Variants in SETBP1 observed in about 807,000 individuals in gnomAD.
SETBP1 encodes the protein SET-binding protein.
Under a neutral mutation model 101.0 loss-of-function variants are expected in SETBP1, and 9 were observed. The observed-to-expected ratio is 0.09, with a 90% confidence interval of 0.05 to 0.16. The LOEUF is 0.16. SETBP1 is among the 10% of genes least tolerant of loss of function. SETBP1 has a pLI of 1.00. For synonymous variants in SETBP1, 818 were observed against 788.5 expected (o/e 1.04, Z -0.63); for missense variants, 1,858 against 2,033.8 (o/e 0.91, Z 1.66).
chr18:44,934,844 C>G (rs1364572032), intron 3 of SETBP1, among the ~76,000 whole-genome samples: 1 of 152,132 alleles, frequency 6.6e-6, no homozygotes, highest in Non-Finnish European at 1.5e-5. Context: ...CACTCCTGCC[C>G]CATTTCCTCT....
intron 4 of SETBP1, among the ~76,000 whole-genome samples, chr18:45,036,281 C>T (rs1005311934): frequency 6.8e-6 from 1 of 147,478 alleles, no homozygotes; most frequent in Non-Finnish European, 1.5e-5. Context: ...TGCAGTAAGC[C>T]AAGATTGCAC....
At chr18:45,002,502 C>T (rs934281498) in intron 4 of SETBP1, among the ~76,000 whole-genome samples, 3 of 152,122 alleles carry the variant, frequency 2.0e-5, no homozygotes, top group Non-Finnish European at 4.4e-5. Flanking sequence ...TTAATGGTGG[C>T]CAGGAATGGA....
At chr18:44,863,919 T>C (rs1046540770) in intron 2 of SETBP1, among the ~76,000 whole-genome samples, 6 of 152,186 alleles carry the variant, frequency 3.9e-5, no homozygotes, top group Non-Finnish European at 1.5e-5. Flanking sequence ...AAGATCCTTC[T>C]GGCCAGATGT....
intron 4 of SETBP1, among the ~76,000 whole-genome samples, chr18:45,032,274 A>C (rs1199880926): frequency 1.3e-5 from 2 of 152,178 alleles, no homozygotes; most frequent in Non-Finnish European, 2.9e-5. Flanking sequence ...CTCGTTGGAC[A>C]TCCTTCGTTG....
intron 2 of SETBP1, among the ~76,000 whole-genome samples, chr18:44,841,830 G>T (rs1046316744): frequency 3.9e-5 from 6 of 152,152 alleles, no homozygotes; most frequent in African/African-American, 1.4e-4. Flanking sequence ...TGAAGGATCG[G>T]ATTACCTTGC....
At chr18:44,867,961 C>T (rs1436580730) in intron 2 of SETBP1, among the ~76,000 whole-genome samples, 2 of 152,190 alleles carry the variant, frequency 1.3e-5, no homozygotes, top group African/African-American at 4.8e-5. Flanking sequence ...CTATTTTTCA[C>T]AAATGCTCTC....
At position 44,800,861 on chromosome 18, in the gene SETBP1, G is replaced by A. The variant is rs148653844; in HGVS notation, c.487-68369G>A. 2.8e-3 allele frequency among the ~76,000 whole-genome samples: 433 copies of A among 152,292 alleles called. 3 individuals carry two copies. Among genetic ancestry groups the A allele is most frequent in the African/African-American group, 9.4e-3 (389 of 41,562 alleles). On this transcript the variant is annotated intron_variant, in intron 2 of 5. Coordinates refer to ENST00000649279, the MANE Select transcript of SETBP1 (RefSeq NM_015559.3). ...TTTATTGCGGCACTATTCGCCAATA[G>A]CAAAGGCTTGGAACCAACCCAAATG...
At chr18:44,957,753 C>T (rs919184417) in intron 4 of SETBP1, among the ~76,000 whole-genome samples, 1 of 152,086 alleles carries the variant, frequency 6.6e-6, no homozygotes, top group Non-Finnish European at 1.5e-5. Flanking sequence ...GGGAATTAGC[C>T]ACGTGGATGA....
intron 5 of SETBP1, among the ~76,000 whole-genome samples, chr18:45,052,973 A>T (rs1359069259): frequency 1.3e-5 from 2 of 152,230 alleles, no homozygotes; most frequent in Non-Finnish European, 2.9e-5. Flanking sequence ...AGTTAATAAA[A>T]TTAAACTTTG....
chr18:44,740,486 A>T (rs553083785), intron 2 of SETBP1, among the ~76,000 whole-genome samples: 63 of 152,304 alleles, frequency 4.1e-4, no homozygotes, highest in Non-Finnish European at 6.8e-4. Flanking sequence ...ATGACATGTG[A>T]TGTAAATGCA....
chr18:45,006,493 C>T (rs1007528280), intron 4 of SETBP1, among the ~76,000 whole-genome samples: 1 of 152,074 alleles, frequency 6.6e-6, no homozygotes, highest in Non-Finnish European at 1.5e-5. Context: ...AGAATTGGTT[C>T]CTTTTTAGGA....
intron 1 of SETBP1, among the ~76,000 whole-genome samples, chr18:44,691,389 C>T (rs1292611073): frequency 2.2e-5 from 3 of 135,192 alleles, no homozygotes; most frequent in African/African-American, 8.6e-5. Flanking sequence ...TACAAGAGAA[C>T]ACTTTTCCTT....
Position 44,930,616 on chromosome 18 carries a change from CT to C in SETBP1, c.541-19264del, listed in dbSNP as rs1371165570. 5.9e-5 allele frequency among the ~76,000 whole-genome samples: 9 copies of C among 152,124 alleles called. No individual in the cohort carries two copies. The East Asian group carries it at 1.7e-3, about 29-fold the overall frequency. ...TTAATTATTGCCTCAATTTCAGAAC[CT>C]GTTATTGGTCTATTCAGGGATTCAA... On this transcript the variant is annotated intron_variant, in intron 3 of 5. Coordinates refer to ENST00000649279, the MANE Select transcript of SETBP1 (RefSeq NM_015559.3).
At chr18:44,958,168 T>G (rs181724584) in intron 4 of SETBP1, among the ~76,000 whole-genome samples, 19 of 152,354 alleles carry the variant, frequency 1.2e-4, no homozygotes, top group African/African-American at 4.3e-4. Flanking sequence ...TTTCAATATC[T>G]ACACCACTCC....
In SETBP1 at chr18:44,710,296, G is replaced by A. The variant is rs923600282; in HGVS notation, c.486+8464G>A. ...CTTTGCTTGTTTATTAGACACAAGT[G>A]GCTTTGTTCAGAAAGTTACTGGGAA... On this transcript the variant is annotated intron_variant, in intron 2 of 5. Transcript: ENST00000649279. Among the ~76,000 whole-genome samples, 4 of 152,074 alleles carry A rather than the reference G, an allele frequency of 2.6e-5. No individual in the cohort carries two copies. In the South Asian group the frequency reaches 6.2e-4, roughly 24 times the overall value.
At position 44,953,313 on chromosome 18, in the gene SETBP1, A is replaced by G. The variant is rs1312127784; in HGVS notation, c.3973A>G (p.Ser1325Gly). The change falls in exon 4 of 6, where the codon AGT becomes GGT. Residue 1325 changes from serine to glycine, a missense_variant. Coordinates refer to ENST00000649279, the MANE Select transcript of SETBP1 (RefSeq NM_015559.3). ...QAFKMNRKER[S>G]SYDSSMSPGM... ...CTTCAAGATGAACCGCAAGGAGAGA[A>G]GTTCTTATGACTCCTCCATGTCTCC... 1 of 1,613,930 alleles carries G rather than the reference A, an allele frequency of 6.2e-7. No individual in the cohort carries two copies. The highest frequency in any genetic ancestry group is 8.5e-7 in the Non-Finnish European group (1 of 1,180,012).
chr18:45,002,464 AT>A (rs1415242929), intron 4 of SETBP1, among the ~76,000 whole-genome samples: 4 of 152,076 alleles, frequency 2.6e-5, no homozygotes, highest in African/African-American at 9.7e-5. Context: ...CGTCCTATTC[AT>A]TTGGGATTTA....
At chr18:44,834,880 A>G (rs905043099) in intron 2 of SETBP1, among the ~76,000 whole-genome samples, 5 of 152,218 alleles carry the variant, frequency 3.3e-5, no homozygotes, top group Non-Finnish European at 5.9e-5. Context: ...GAGGGGAGCC[A>G]AGGGCAGTTC....
intron 3 of SETBP1, among the ~76,000 whole-genome samples, chr18:44,939,396 T>G (rs1273310937): frequency 6.6e-6 from 1 of 152,162 alleles, no homozygotes; most frequent in Non-Finnish European, 1.5e-5. Context: ...TATGTGTATG[T>G]GTGTGGCTTA....
Sources: gnomAD v4.1 joint callset for allele counts (sites outside exome capture counted in the v4.1 genomes callset) on GRCh38, gnomAD v4.1.1 for gene constraint, MANE v1.5 for transcripts, NCBI Gene and HGNC (gene_info 2026-07-23, HGNC 2026-07-21) for gene names.